KLF8: variants seen among roughly 807,000 people sequenced by gnomAD.
The protein encoded by KLF8 is Krueppel-like factor 8.
A neutral mutation model predicts 18.2 loss-of-function variants in KLF8; 10 were observed. The observed-to-expected ratio is 0.55, with a 90% confidence interval of 0.34 to 0.93. KLF8 has a LOEUF of 0.93. Ranked by LOEUF, KLF8 falls within the 40% of genes least tolerant of loss-of-function variation. KLF8 has a pLI of 0.02. For synonymous variants in KLF8, 109 were observed against 97.3 expected (o/e 1.12, Z -0.71); for missense variants, 264 against 277.9 (o/e 0.95, Z 0.36).
At chrX:56,174,560 T>G in the KLF8 span, among the ~76,000 whole-genome samples, 1 of 111,795 alleles carries the variant, frequency 8.9e-6, no homozygotes, top group Non-Finnish European at 1.9e-5. Flanking sequence ...AAATTCTCTT[T>G]TTTTGTTGTG....
the KLF8 span, among the ~76,000 whole-genome samples, chrX:56,034,606 A>G: frequency 9.0e-6 from 1 of 111,285 alleles, no homozygotes; most frequent in Admixed American, 9.6e-5. Context: ...CAGGGTAACT[A>G]ACATATTTAT....
chrX:56,100,438 T>C, the KLF8 span, among the ~76,000 whole-genome samples: 2 of 111,718 alleles, frequency 1.8e-5, no homozygotes, highest in Non-Finnish European at 3.8e-5. Context: ...AAAAGTAATT[T>C]TGACTTTCAA....
the KLF8 span, among the ~76,000 whole-genome samples, chrX:56,002,419 G>A: frequency 1.3e-4 from 2 of 15,071 alleles, no homozygotes; most frequent in Non-Finnish European, 4.3e-4. Flanking sequence ...TTGTGTGTAT[G>A]TGTGTGTGTG....
At chrX:55,914,522 G>A in the KLF8 span, among the ~76,000 whole-genome samples, 20 of 112,247 alleles carry the variant, frequency 1.8e-4, no homozygotes, top group African/African-American at 6.1e-4. Context: ...TCAACTTCAG[G>A]AGAGGAGTTT....
chrX:55,984,985 T>TG, the KLF8 span, among the ~76,000 whole-genome samples: 4 of 110,779 alleles, frequency 3.6e-5, no homozygotes, highest in Admixed American at 9.6e-5. Context: ...CTTTTTTTTT[T>TG]GAAAATTTGT....
At chrX:56,162,362 C>T in the KLF8 span, among the ~76,000 whole-genome samples, 19 of 112,115 alleles carry the variant, frequency 1.7e-4, no homozygotes, top group South Asian at 7.4e-4. Context: ...TGCCCTGCCC[C>T]GGTGCTGTAG....
At chrX:55,990,356 C>G in the KLF8 span, among the ~76,000 whole-genome samples, 2 of 112,279 alleles carry the variant, frequency 1.8e-5, no homozygotes, top group East Asian at 2.8e-4. Context: ...AAATTTCCCT[C>G]TACACACTGC....
chrX:56,284,828 A>G lies in KLF8; in HGVS notation c.*334A>G, dbSNP rs180763703. ...ACAGGAATCAAACTCAAGGCTGTGA[A>G]CAAACATACGCTGCTTTATTCTTTC... On this transcript the variant is annotated 3_prime_UTR_variant, in exon 6 of 6. Transcript: ENST00000468660. The G allele has an allele frequency of 9.3e-4, 186 of 200,832 alleles. 1 individual carries two copies. The highest frequency in any genetic ancestry group is 5.2e-3 in the African/African-American group (178 of 34,199). The allele number at this position is 200,832 out of a possible 1,213,427, so 16.6% of individuals were successfully genotyped here. A position where few individuals can be genotyped will look rare whatever the true frequency, so the allele number is the denominator to read the frequency against.
the KLF8 span, among the ~76,000 whole-genome samples, chrX:56,051,639 C>T: frequency 3.6e-5 from 4 of 111,428 alleles, no homozygotes; most frequent in East Asian, 5.6e-4. Context: ...GAGAGATCCG[C>T]TGTTCATCTG....
chrX:56,196,713 C>T, the KLF8 span, among the ~76,000 whole-genome samples: 9 of 111,437 alleles, frequency 8.1e-5, no homozygotes, highest in South Asian at 7.6e-4. Flanking sequence ...ACAAGGATAT[C>T]GAAGACTTGA....
chrX:56,221,631 C>T, the KLF8 span, among the ~76,000 whole-genome samples: 2 of 110,890 alleles, frequency 1.8e-5, no homozygotes, highest in Non-Finnish European at 3.8e-5. Flanking sequence ...TAGACCTTCG[C>T]AGTGAGTGTT....
upstream of KLF8, among the ~76,000 whole-genome samples, chrX:56,227,917 A>C (rs867491070): frequency 1.9e-4 from 18 of 95,439 alleles, no homozygotes; most frequent in Non-Finnish European, 3.0e-4. Flanking sequence ...ACACACACAC[A>C]CCTAGTCAAG....
chrX:56,209,651 C>T, the KLF8 span, among the ~76,000 whole-genome samples: 360 of 111,425 alleles, frequency 3.2e-3, no homozygotes, highest in Middle Eastern at 0.014. Context: ...TAAATAAGGA[C>T]TTACTTTGCT....
At chrX:56,265,988 C>T in intron 3 of KLF8, 1 of 903,504 alleles carries the variant, frequency 1.1e-6, no homozygotes, top group Non-Finnish European at 1.4e-6. Flanking sequence ...AAACAACTTC[C>T]TGGAACTTCC....
chrX:56,240,497 A>T (rs1239402695), intron 1 of KLF8, among the ~76,000 whole-genome samples: 1 of 112,139 alleles, frequency 8.9e-6, no homozygotes, highest in East Asian at 2.8e-4. Flanking sequence ...TTACATAATG[A>T]TTCAGAGCAA....
the KLF8 span, among the ~76,000 whole-genome samples, chrX:56,212,755 AC>A: frequency 1.4e-4 from 16 of 112,125 alleles, no homozygotes; most frequent in Admixed American, 1.2e-3. Flanking sequence ...AAAACCAGGT[AC>A]TATGAGTGCT....
At chrX:55,942,708 G>T in the KLF8 span, among the ~76,000 whole-genome samples, 1 of 111,175 alleles carries the variant, frequency 9.0e-6, no homozygotes, top group Non-Finnish European at 1.9e-5. Flanking sequence ...CTTTAGGCTG[G>T]TTCCTAGGAT....
chrX:56,079,379 C>T, the KLF8 span, among the ~76,000 whole-genome samples: 1 of 111,304 alleles, frequency 9.0e-6, no homozygotes, highest in Non-Finnish European at 1.9e-5. Context: ...ATCTTTATTT[C>T]TGCCTTCATT....
intron 2 of KLF8, among the ~76,000 whole-genome samples, chrX:56,259,663 A>G (rs1292283670): frequency 9.0e-6 from 1 of 110,923 alleles, no homozygotes; most frequent in Admixed American, 9.7e-5. Context: ...TCTATTGTCA[A>G]CTGCTTTATG....
Sources: allele counts gnomAD v4.1 joint callset (sites outside exome capture counted in the v4.1 genomes callset), GRCh38; gene constraint gnomAD v4.1.1; transcripts MANE v1.5; gene names NCBI Gene and HGNC (gene_info 2026-07-23, HGNC 2026-07-21).